The following ALK variants were observed in gnomAD, a reference collection of about 807,000 sequenced individuals.
The protein encoded by ALK is ALK tyrosine kinase receptor.
ALK carries 74 observed loss-of-function variants against 163.1 expected under a neutral mutation model. The observed-to-expected ratio is 0.45, with a 90% CI of 0.38 to 0.55. The LOEUF (loss-of-function observed/expected upper bound fraction) is 0.55, where lower values mean the gene tolerates loss of function less well. Ranked by LOEUF, ALK falls within the 20% of genes least tolerant of loss-of-function variation. ALK has a pLI of 0.00. For missense variants in ALK, 2,063 were observed against 2,105.3 expected (o/e 0.98, Z 0.39); for synonymous variants, 960 against 843.2 (o/e 1.14, Z -2.40).
intron 1 of ALK, among the ~76,000 whole-genome samples, chr2:29,758,415 G>C (rs879326820): frequency 1.3e-5 from 2 of 152,134 alleles, no homozygotes; most frequent in African/African-American, 4.8e-5. Flanking sequence ...GCACCTCATT[G>C]ACAAGCCACT....
chr2:29,505,363 T>C (rs1017925865), intron 4 of ALK, among the ~76,000 whole-genome samples: 1 of 152,184 alleles, frequency 6.6e-6, no homozygotes, highest in Non-Finnish European at 1.5e-5. Flanking sequence ...CTCAAGATGA[T>C]TGAACTATCT....
At chr2:29,508,727 G>C (rs1195626757) in intron 4 of ALK, among the ~76,000 whole-genome samples, 1 of 51,058 alleles carries the variant, frequency 2.0e-5, no homozygotes. Flanking sequence ...TCCCATATCT[G>C]CAACTCAAAA....
At chr2:29,489,299 C>CAGT (rs540522703) in intron 4 of ALK, among the ~76,000 whole-genome samples, 174 of 152,152 alleles carry the variant, frequency 1.1e-3, no homozygotes, top group African/African-American at 4.0e-3. Context: ...TAGGATGTTA[C>CAGT]ATTATTATTA....
intron 15 of ALK, among the ~76,000 whole-genome samples, 157 bp downstream of exon 15, chr2:29,232,147 C>T (rs1664228121): frequency 6.6e-6 from 1 of 152,182 alleles, no homozygotes; most frequent in Admixed American, 6.5e-5. Context: ...TCCCAGGGTG[C>T]TGCCTGCCCT....
chr2:29,636,893 A>G (rs1205931372), intron 3 of ALK, among the ~76,000 whole-genome samples: 2 of 152,250 alleles, frequency 1.3e-5, no homozygotes, highest in African/African-American at 4.8e-5. Flanking sequence ...ACACTGAGCT[A>G]TCACCTCACA....
At chr2:29,563,263 G>A (rs4666249) in intron 3 of ALK, among the ~76,000 whole-genome samples, 131,017 of 152,206 alleles carry the variant, frequency 0.86, 56,685 homozygotes, top group East Asian at 0.97. Context: ...ATTTGTTGCA[G>A]CAGGGTTTAC....
At chr2:29,659,014 C>T (rs1677271745) in intron 3 of ALK, among the ~76,000 whole-genome samples, 1 of 152,120 alleles carries the variant, frequency 6.6e-6, no homozygotes, top group East Asian at 1.9e-4. Flanking sequence ...ACCCATGTAT[C>T]TCACTGGGCT....
At chr2:29,761,243 T>C (rs139543042) in intron 1 of ALK, among the ~76,000 whole-genome samples, 1 of 152,274 alleles carries the variant, frequency 6.6e-6, no homozygotes, top group East Asian at 1.9e-4. Context: ...TTTATAAATT[T>C]GGGACGTAGT....
At chr2:29,346,762 C>T (rs568900713) in intron 5 of ALK, among the ~76,000 whole-genome samples, 5 of 152,186 alleles carry the variant, frequency 3.3e-5, no homozygotes, top group Admixed American at 1.3e-4. Context: ...TTATTCACTG[C>T]GTCCATTTCA....
intron 1 of ALK, among the ~76,000 whole-genome samples, chr2:29,902,647 G>A (rs1310235987): frequency 6.6e-6 from 1 of 152,182 alleles, no homozygotes; most frequent in Non-Finnish European, 1.5e-5. Context: ...GCCCAGTAGA[G>A]CATGAGGCTC....
At chr2:29,830,713 T>TAAA (rs530774574) in intron 1 of ALK, among the ~76,000 whole-genome samples, 10 of 28,996 alleles carry the variant, frequency 3.4e-4, no homozygotes, top group African/African-American at 4.4e-4. Context: ...TAAAATAGTT[T>TAAA]AAAAAAAAAA....
At chr2:29,284,526 A>T (rs1358763736) in intron 9 of ALK, among the ~76,000 whole-genome samples, 1 of 152,226 alleles carries the variant, frequency 6.6e-6, no homozygotes, top group Non-Finnish European at 1.5e-5. Flanking sequence ...AATCTTGAGC[A>T]GATTCGAACA....
intron 11 of ALK, among the ~76,000 whole-genome samples, chr2:29,272,089 C>T (rs1199713245): frequency 1.3e-5 from 2 of 151,106 alleles, no homozygotes; most frequent in African/African-American, 4.9e-5. Flanking sequence ...GACTGTTCCT[C>T]CTCACTGCTA....
intron 4 of ALK, among the ~76,000 whole-genome samples, chr2:29,441,642 C>G (rs141876557): frequency 3.9e-4 from 60 of 152,310 alleles, no homozygotes; most frequent in African/African-American, 1.4e-3. Context: ...TGTATACCAC[C>G]TTAACATCTG....
At chr2:29,410,780 A>G (rs1669707570) in intron 4 of ALK, among the ~76,000 whole-genome samples, 1 of 152,226 alleles carries the variant, frequency 6.6e-6, no homozygotes, top group Admixed American at 6.5e-5. Flanking sequence ...GAGGAGTGGA[A>G]GTTGGTGAGT....
chr2:29,626,201 G>T (rs1407399792), intron 3 of ALK, among the ~76,000 whole-genome samples: 1 of 152,056 alleles, frequency 6.6e-6, no homozygotes, highest in African/African-American at 2.4e-5. Context: ...ATTGAGATGT[G>T]GTCATGAGAG....
At chr2:29,505,911 G>C (rs887035737) in intron 4 of ALK, among the ~76,000 whole-genome samples, 1 of 152,102 alleles carries the variant, frequency 6.6e-6, no homozygotes, top group East Asian at 1.9e-4. Flanking sequence ...AATGTAAGTG[G>C]CTGCATATAT....
chr2:29,583,401 G>A (rs1674783670), intron 3 of ALK, among the ~76,000 whole-genome samples: 1 of 151,964 alleles, frequency 6.6e-6, no homozygotes, highest in East Asian at 1.9e-4. Context: ...CTGGTCAATG[G>A]GGAATTTTGC....
intron 3 of ALK, among the ~76,000 whole-genome samples, chr2:29,580,355 T>A (rs1015527031): frequency 6.6e-6 from 1 of 152,194 alleles, no homozygotes; most frequent in Admixed American, 6.5e-5. Flanking sequence ...GAAGCCCAGA[T>A]GCACTCGCTT....
Sources: gnomAD v4.1 joint callset for allele counts (sites outside exome capture counted in the v4.1 genomes callset) on GRCh38, gnomAD v4.1.1 for gene constraint, MANE v1.5 for transcripts, NCBI Gene and HGNC (gene_info 2026-07-23, HGNC 2026-07-21) for gene names.